Variants in VEPH1 observed in about 807,000 individuals in gnomAD.
VEPH1 encodes ventricular zone-expressed PH domain-containing protein homolog 1.
VEPH1 carries 80 observed loss-of-function variants against 85.2 expected under a neutral mutation model. That is an observed-to-expected ratio of 0.94 (90% confidence interval 0.78 to 1.13). VEPH1 has a LOEUF of 1.13. VEPH1 is among the 50% of genes most tolerant of loss of function. The pLI, the probability that VEPH1 is intolerant of heterozygous loss-of-function variation, is 0.00. For missense variants in VEPH1, 955 were observed against 980.5 expected (o/e 0.97, Z 0.35); for synonymous variants, 297 against 348.0 (o/e 0.85, Z 1.63).
intron 9 of VEPH1, among the ~76,000 whole-genome samples, chr3:157,340,421 A>G (rs1367973061): frequency 1.3e-5 from 2 of 152,186 alleles, no homozygotes; most frequent in African/African-American, 4.8e-5. Flanking sequence ...AGCCTCGCTC[A>G]TTGCTAGCAC....
At chr3:157,292,262 C>A (rs1171590714) in intron 11 of VEPH1, among the ~76,000 whole-genome samples, 1 of 152,170 alleles carries the variant, frequency 6.6e-6, no homozygotes, top group Non-Finnish European at 1.5e-5. Flanking sequence ...CCGAGTTGCT[C>A]TGGTGTGCCC....
chr3:157,388,907 G>A (rs1167211546), intron 6 of VEPH1, among the ~76,000 whole-genome samples: 1 of 152,024 alleles, frequency 6.6e-6, no homozygotes, highest in African/African-American at 2.4e-5. Context: ...GTATCCACGG[G>A]GGTTCTGGAA....
At chr3:157,449,340 G>T (rs1412660017) in intron 4 of VEPH1, among the ~76,000 whole-genome samples, 1 of 152,068 alleles carries the variant, frequency 6.6e-6, no homozygotes, top group East Asian at 1.9e-4. Context: ...ACTTAGATTT[G>T]TTTTATGTAT....
intron 6 of VEPH1, among the ~76,000 whole-genome samples, chr3:157,411,658 G>C (rs1267620848): frequency 2.6e-5 from 4 of 152,146 alleles, no homozygotes; most frequent in Non-Finnish European, 5.9e-5. Context: ...GATATACTTG[G>C]TAATTATCTG....
chr3:157,333,338 G>T (rs1442917078), intron 9 of VEPH1, among the ~76,000 whole-genome samples: 3 of 152,018 alleles, frequency 2.0e-5, no homozygotes, highest in Non-Finnish European at 2.9e-5. Context: ...AAGTTCACTC[G>T]GAAGACCTCA....
intron 7 of VEPH1, among the ~76,000 whole-genome samples, chr3:157,372,280 A>G (rs1371903115): frequency 1.3e-5 from 2 of 152,214 alleles, no homozygotes; most frequent in Non-Finnish European, 2.9e-5. Flanking sequence ...AAACATAGTT[A>G]CCCAGAAATG....
chr3:157,312,950 G>A (rs908873082), intron 11 of VEPH1, among the ~76,000 whole-genome samples: 11 of 140,284 alleles, frequency 7.8e-5, no homozygotes, highest in African/African-American at 3.0e-4. Context: ...TGTCGCCCAG[G>A]CTGGAGTGCA....
intron 4 of VEPH1, among the ~76,000 whole-genome samples, chr3:157,441,905 C>T (rs3845978): frequency 0.094 from 14,292 of 151,886 alleles, 1,108 homozygotes; most frequent in South Asian, 0.22. Context: ...CGAACTAGGT[C>T]TACTGAATTT....
intron 4 of VEPH1, chr3:157,442,571 GTTT>G (rs747951421): frequency 4.3e-6 from 7 of 1,614,228 alleles, no homozygotes; most frequent in Non-Finnish European, 5.9e-6. Flanking sequence ...AATCCATAGT[GTTT>G]GTGGTGGGTG....
intron 9 of VEPH1, among the ~76,000 whole-genome samples, chr3:157,348,096 G>A (rs1322014213): frequency 6.6e-6 from 1 of 152,130 alleles, no homozygotes; most frequent in African/African-American, 2.4e-5. Context: ...GCGTAGCAGG[G>A]AAACCACCTC....
At chr3:157,330,769 G>A (rs1395850375) in intron 9 of VEPH1, among the ~76,000 whole-genome samples, 2 of 152,172 alleles carry the variant, frequency 1.3e-5, no homozygotes, top group African/African-American at 4.8e-5. Flanking sequence ...TCCCATGGCA[G>A]GTTTTGCCCC....
intron 4 of VEPH1, among the ~76,000 whole-genome samples, chr3:157,444,793 A>T (rs1320244698): frequency 5.3e-5 from 8 of 152,250 alleles, no homozygotes; most frequent in African/African-American, 1.9e-4. Flanking sequence ...TTTTTAAGTA[A>T]TTACATGTTT....
chr3:157,407,993 C>T (rs1731265616), intron 6 of VEPH1, among the ~76,000 whole-genome samples: 1 of 152,106 alleles, frequency 6.6e-6, no homozygotes, highest in Non-Finnish European at 1.5e-5. Context: ...ACTCTAAGCA[C>T]ACCCTCTTAG....
At chr3:157,305,321 G>A (rs1719391527) in intron 11 of VEPH1, among the ~76,000 whole-genome samples, 2 of 151,198 alleles carry the variant, frequency 1.3e-5, no homozygotes, top group African/African-American at 2.4e-5. Context: ...GTTTTTAGCC[G>A]GGATGGTCTC....
At chr3:157,387,176 C>A (rs1729395701) in intron 6 of VEPH1, among the ~76,000 whole-genome samples, 1 of 152,078 alleles carries the variant, frequency 6.6e-6, no homozygotes, top group African/African-American at 2.4e-5. Flanking sequence ...TTGCATTGGC[C>A]ATTTTTTTCA....
chr3:157,345,534 A>G (rs1420824753), intron 9 of VEPH1, among the ~76,000 whole-genome samples: 1 of 152,160 alleles, frequency 6.6e-6, no homozygotes, highest in Non-Finnish European at 1.5e-5. Context: ...GAAACAACAC[A>G]TGCTGGAGAG....
chr3:157,427,409 C>T lies in VEPH1; in HGVS notation c.696+913G>A, dbSNP rs574153276. ...CTGGCATTACAGGCGTGAGCCACTGCACCTGGCCCATTTGTTGCTTTTCAT... is the reference window on the plus strand; with the variant it reads ...CTGGCATTACAGGCGTGAGCCACTGTACCTGGCCCATTTGTTGCTTTTCAT... On this transcript the variant is annotated intron_variant, in intron 5 of 13. Transcript: ENST00000362010. 7.0e-4 allele frequency among the ~76,000 whole-genome samples: 107 copies of T among 152,306 alleles called. No homozygotes were observed. The South Asian group carries it at 0.015, about 21-fold the overall frequency.
At position 157,438,037 on chromosome 3, in the gene VEPH1, GCACACA is replaced by G. The variant is rs781700719; in HGVS notation, c.530-9555_530-9550del. On this transcript the variant is annotated intron_variant, in intron 4 of 13. Coordinates refer to ENST00000362010, the MANE Select transcript of VEPH1 (RefSeq NM_001167912.2). ...TCATGGGAAGCGCGCGCGCGCGCGCGCACACACACACACACACACACACACACACAC... is the reference window on the plus strand; with the variant it reads ...TCATGGGAAGCGCGCGCGCGCGCGCGCACACACACACACACACACACACAC... 589 of 515,922 alleles carry G rather than the reference GCACACA, an allele frequency of 1.1e-3. No individual in the cohort carries two copies. In the Middle Eastern group the frequency reaches 0.014, roughly 12 times the overall value. The allele number at this position is 515,922 out of a possible 1,614,324, so 32.0% of individuals were successfully genotyped here.
At chr3:157,410,895 C>T (rs904069991) in intron 6 of VEPH1, among the ~76,000 whole-genome samples, 62 of 152,168 alleles carry the variant, frequency 4.1e-4, no homozygotes, top group African/African-American at 1.4e-3. Context: ...GCAACAGCAA[C>T]AGCTGTTTGT....
Sources: allele counts gnomAD v4.1 joint callset (sites outside exome capture counted in the v4.1 genomes callset), GRCh38; gene constraint gnomAD v4.1.1; transcripts MANE v1.5; gene names NCBI Gene and HGNC (gene_info 2026-07-23, HGNC 2026-07-21).